The following MGAM variants were observed in gnomAD, a reference collection of about 807,000 sequenced individuals.
MGAM encodes the protein alpha-1,4-glucosidase.
In MGAM, 253 loss-of-function variants were observed where a neutral mutation model predicts 358.8. The ratio of observed to expected loss-of-function variants is 0.71; its 90% CI spans 0.64 to 0.78. MGAM has a LOEUF of 0.78. Among genes scored for constraint, MGAM ranks in the 30% least tolerant of loss-of-function variants. The pLI, the probability that MGAM is intolerant of heterozygous loss-of-function variation, is 0.00. For synonymous variants in MGAM, 1,105 were observed against 1,227.1 expected, an observed-to-expected ratio of 0.90 and a Z score of 2.08; for missense variants, 3,080 against 3,432.6, an observed-to-expected ratio of 0.90 and a Z score of 2.57.
At chr7:142,016,780 A>G (rs1275107650) in intron 3 of MGAM, among the ~76,000 whole-genome samples, 5 of 152,070 alleles carry the variant, frequency 3.3e-5, no homozygotes, top group African/African-American at 7.2e-5. Flanking sequence ...TTTAGTAGAG[A>G]CGGGGTTTCA....
chr7:142,022,739 C>T (rs953273795), intron 7 of MGAM, among the ~76,000 whole-genome samples: 3 of 152,040 alleles, frequency 2.0e-5, no homozygotes, highest in Non-Finnish European at 2.9e-5. Context: ...TCAATAAATG[C>T]CAACTCCTTC....
chr7:142,058,463 C>A, intron 31 of MGAM, 135 bp downstream of exon 31: 1 of 1,454,548 alleles, frequency 6.9e-7, no homozygotes, highest in Non-Finnish European at 9.2e-7. Flanking sequence ...GTTAGCCTCA[C>A]CCCAGCACAG....
chr7:142,064,194 A>T (rs1182044341), intron 36 of MGAM, among the ~76,000 whole-genome samples, 190 bp from the exon 37 acceptor site: 1 of 152,162 alleles, frequency 6.6e-6, no homozygotes, highest in Non-Finnish European at 1.5e-5. Flanking sequence ...AGTGAACTTG[A>T]TGTTGGAAAC....
At position 142,094,094 on chromosome 7, in the gene MGAM, C is replaced by T. The variant is rs774465953; in HGVS notation, c.7173-270C>T. Among the ~76,000 whole-genome samples the T allele has an allele frequency of 1.9e-4, 28 of 146,166 alleles. 5 individuals are homozygous for T. Among genetic ancestry groups the T allele is most frequent in the Admixed American group, 2.1e-4 (3 of 14,514 alleles). ...TATAGAAAACTAAGTTTTGGGGAAA[C>T]CAATAGCAAGATTTAGTAATTCCTT... is the stretch of plus-strand genomic sequence containing the variant. On this transcript the variant is annotated intron_variant, in intron 60 of 70. Transcript: ENST00000475668.
intron 3 of MGAM, among the ~76,000 whole-genome samples, chr7:142,010,092 T>G (rs1036967787): frequency 6.6e-6 from 1 of 152,172 alleles, no homozygotes; most frequent in Non-Finnish European, 1.5e-5. Flanking sequence ...ATACCATTGT[T>G]TGATTCTCCC....
intron 4 of MGAM, 78 bp downstream of exon 4, chr7:142,019,397 A>G: frequency 9.9e-6 from 15 of 1,510,580 alleles, no homozygotes; most frequent in Non-Finnish European, 1.8e-6. Context: ...GGCAGCCTGC[A>G]GAGTTCTGCT....
chr7:142,089,577 G>T lies in MGAM; in HGVS notation c.6811-2336G>T, dbSNP rs550959171. Among the ~76,000 whole-genome samples the T allele has an allele frequency of 1.2e-4, 17 of 146,050 alleles. 2 individuals are homozygous for T. In the East Asian group the frequency reaches 2.8e-3, roughly 24 times the overall value. On this transcript the variant is annotated intron_variant, in intron 57 of 70. Transcript: ENST00000475668. ...CAGCACTTTGGGAGGCTGATCACGA[G>T]GTCAGGAGTTCAAGATCAACCTGAC...
Position 142,088,747 on chromosome 7 carries a change from G to GTCTGTCTA in MGAM, c.6810+2033_6810+2034insGTCTATCT, listed in dbSNP as rs1311472109. On this transcript the variant is annotated intron_variant, in intron 57 of 70. Coordinates refer to ENST00000475668, the MANE Select transcript of MGAM (RefSeq NM_001365693.1). The stretch of plus-strand genomic sequence containing the variant: ...TGTCTGTCTGTCTGTCTGTCTGTCT[G>GTCTGTCTA]TCTATCTATCTATCTATCTATCTAT... Among the ~76,000 whole-genome samples the GTCTGTCTA allele has an allele frequency of 4.1e-3, 384 of 93,492 alleles. 6 individuals are homozygous for GTCTGTCTA. The highest frequency in any genetic ancestry group is 6.4e-3 in the Middle Eastern group (1 of 156). The allele number at this position is 93,492 out of a possible 152,430, so 61.3% of individuals were successfully genotyped here.
At chr7:142,006,354 A>G (rs1554452410) in intron 2 of MGAM, among the ~76,000 whole-genome samples, 1 of 152,132 alleles carries the variant, frequency 6.6e-6, no homozygotes, top group Non-Finnish European at 1.5e-5. Context: ...GTGGTGGTGG[A>G]GAAGGACTCT....
intron 66 of MGAM, among the ~76,000 whole-genome samples, chr7:142,098,426 C>T (rs1340071806): frequency 6.6e-6 from 1 of 151,910 alleles, no homozygotes; most frequent in African/African-American, 2.4e-5. Context: ...AGGAGAACAT[C>T]GTTGAGGGCT....
chr7:142,080,984 C>G, intron 50 of MGAM, 39 bp downstream of exon 50: 1 of 1,499,788 alleles, frequency 6.7e-7, no homozygotes, highest in Non-Finnish European at 9.2e-7. Context: ...TGATGGCTAC[C>G]TGCGCCTTCG....
Position 142,084,614 on chromosome 7 carries a change from T to C in MGAM, c.6477T>C (p.Tyr2159=). ...ACGACTCTGAGATCTCCAGCTTGTATGATGAGATGGTGGCTGCCCAGATCC... is the reference window on the plus strand; with the variant it reads ...ACGACTCTGAGATCTCCAGCTTGTACGATGAGATGGTGGCTGCCCAGATCC... ...YQNDSEISSL[Y]DEMVAAQIPY... is the part of the protein sequence containing the mutation. Residue 2159 remains tyrosine, a synonymous_variant, in exon 54 of 71, where the codon TAT becomes TAC. Coordinates refer to ENST00000475668, the MANE Select transcript of MGAM (RefSeq NM_001365693.1). 7.1e-6 allele frequency: 11 copies of C among 1,556,554 alleles called. No individual in the cohort carries two copies. The highest frequency in any genetic ancestry group is 8.8e-6 in the Non-Finnish European group (10 of 1,132,798).
intron 19 of MGAM, among the ~76,000 whole-genome samples, 154 bp downstream of exon 19, chr7:142,038,769 T>A (rs531341641): frequency 2.4e-4 from 36 of 152,304 alleles, no homozygotes; most frequent in African/African-American, 8.2e-4. Flanking sequence ...GCTAGACATC[T>A]GGTAACTACA....
intron 70 of MGAM, among the ~76,000 whole-genome samples, chr7:142,104,667 A>G (rs1292135357): frequency 1.3e-5 from 2 of 152,184 alleles, no homozygotes; most frequent in African/African-American, 4.8e-5. Flanking sequence ...ATAGCAATGA[A>G]GCTTACACAG....
chr7:142,098,184 G>A (rs1259483365), intron 66 of MGAM, among the ~76,000 whole-genome samples: 3 of 150,158 alleles, frequency 2.0e-5, no homozygotes, highest in Admixed American at 1.3e-4. Context: ...ACCCTTGTGA[G>A]TCTAAGCAGT....
Position 142,052,781 on chromosome 7 carries a change from C to G in MGAM, c.2959-3C>G. 6.2e-7 allele frequency: 1 copy of G among 1,613,768 alleles called. No individual in the cohort carries two copies. Among genetic ancestry groups the G allele is most frequent in the Non-Finnish European group, 8.5e-7 (1 of 1,179,750 alleles). On this transcript the variant is annotated splice_region_variant and splice_polypyrimidine_tract_variant and intron_variant, in intron 25 of 70. Transcript: ENST00000475668. ...GATCTATGACTTTGGCCTTACTTTTCAGGCATCCAATTCTTCTGGAGTCCC... is the reference window on the plus strand; with the variant it reads ...GATCTATGACTTTGGCCTTACTTTTGAGGCATCCAATTCTTCTGGAGTCCC...
rs1815708842 is a variant in MGAM at position 142,094,532 on chromosome 7, G to T, written c.7306+35G>T. Reference sequence around the variant, plus strand: ...TCCTTCCCAGGGCCTGTGCCGGTAGGGCAGGGAGTTGGGATCCTTGGGGAA... The same window carrying T: ...TCCTTCCCAGGGCCTGTGCCGGTAGTGCAGGGAGTTGGGATCCTTGGGGAA... On this transcript the variant is annotated intron_variant, in intron 61 of 70. Coordinates refer to ENST00000475668, the MANE Select transcript of MGAM (RefSeq NM_001365693.1). 1.9e-6 allele frequency: 3 copies of T among 1,555,558 alleles called. 1 individual carries two copies. In the South Asian group the frequency reaches 3.4e-5, roughly 17 times the overall value.
At chr7:142,084,404 A>G (rs1461107655) in intron 53 of MGAM, 115 bp from the exon 54 acceptor site, 7 of 1,216,060 alleles carry the variant, frequency 5.8e-6, no homozygotes, top group Non-Finnish European at 8.1e-6. Flanking sequence ...TTGATGTGGA[A>G]TTCAATTAGT....
chr7:142,100,748 G>T, intron 67 of MGAM, 54 bp from the exon 68 acceptor site: 1 of 1,488,936 alleles, frequency 6.7e-7, no homozygotes, highest in Non-Finnish European at 9.2e-7. Flanking sequence ...TAAAGTCTTG[G>T]TTTGTGGCTG....
Sources: allele counts gnomAD v4.1 joint callset (sites outside exome capture counted in the v4.1 genomes callset), GRCh38; gene constraint gnomAD v4.1.1; transcripts MANE v1.5; gene names NCBI Gene and HGNC (gene_info 2026-07-23, HGNC 2026-07-21).